ZNF202: variants seen among roughly 807,000 people sequenced by gnomAD.
The protein encoded by ZNF202 is zinc finger protein with KRAB and SCAN domains 10.
Under a neutral mutation model 54.5 loss-of-function variants are expected in ZNF202, and 22 were observed. The ratio of observed to expected loss-of-function variants is 0.40; its 90% CI spans 0.29 to 0.58. The LOEUF (loss-of-function observed/expected upper bound fraction) is 0.58, where lower values mean the gene tolerates loss of function less well. Ranked by LOEUF, ZNF202 falls within the 20% of genes least tolerant of loss-of-function variation. The pLI is 0.39. For missense variants in ZNF202, 644 were observed against 805.5 expected, an observed-to-expected ratio of 0.80 and a Z score of 2.43; for synonymous variants, 294 against 301.4, an observed-to-expected ratio of 0.98 and a Z score of 0.26.
chr11:123,738,323 T>A (rs1215829512), intron 3 of ZNF202, among the ~76,000 whole-genome samples: 1 of 152,172 alleles, frequency 6.6e-6, no homozygotes, highest in Non-Finnish European at 1.5e-5. Context: ...AAATACAGAT[T>A]TTTAAGAGGC....
In ZNF202 at chr11:123,726,779, C is replaced by T. The variant is rs778100556; in HGVS notation, c.1165G>A (p.Val389Ile). Residue 389 changes from valine (V) to isoleucine (I), a missense_variant, in exon 9 of 9, where the codon GTC becomes ATC. Around this residue, in one of 3 missense-constraint regions of ZNF202, gnomAD observed 536 missense variants for 635.3 expected, o/e 0.84. Transcript: ENST00000530393. The surrounding 1 kb of genome is among the most constrained non-coding windows in gnomAD (Gnocchi z 6.0). ...SFVNLRETTP[V>I]HPLLGRHHDC... The stretch of plus-strand genomic sequence containing the variant: ...TGATGCCTCCCTAACAGGGGGTGGA[C>T]GGGTGTAGTTTCCCGAAGGTTCACA... The T allele has an allele frequency of 4.0e-5, 64 of 1,614,042 alleles. No individual in the cohort carries two copies. Among genetic ancestry groups the T allele is most frequent in the Admixed American group, 2.0e-4 (12 of 60,010 alleles).
chr11:123,731,790 C>T (rs945465021), intron 3 of ZNF202, among the ~76,000 whole-genome samples: 12 of 152,174 alleles, frequency 7.9e-5, no homozygotes, highest in Admixed American at 7.2e-4. Flanking sequence ...AGTGATGGCA[C>T]CAGCTATTAT....
chr11:123,739,819 G>A (rs750605441), intron 3 of ZNF202, among the ~76,000 whole-genome samples: 2 of 152,234 alleles, frequency 1.3e-5, no homozygotes, highest in Non-Finnish European at 2.9e-5. Flanking sequence ...TGCAGCATCA[G>A]TACCTGAGCC....
At chr11:123,741,430 G>C (rs1293400634) in intron 1 of ZNF202, 119 bp downstream of exon 1, 1 of 152,330 alleles carries the variant, frequency 6.6e-6, no homozygotes, top group Non-Finnish European at 1.5e-5. Flanking sequence ...GATTTCCCCA[G>C]ACTCTGGGGG....
rs562793870 is a variant in ZNF202 at position 123,725,113 on chromosome 11, C to T, written c.*884G>A. The T allele has an allele frequency of 1.8e-4, 27 of 152,224 alleles. No individual in the cohort carries two copies. The highest frequency in any genetic ancestry group is 3.9e-4 in the East Asian group (2 of 5,174). The allele number at this position is 152,224 out of a possible 1,614,324, so 9.4% of individuals were successfully genotyped here. On this transcript the variant is annotated 3_prime_UTR_variant, in exon 9 of 9. Coordinates refer to ENST00000530393, the MANE Select transcript of ZNF202 (RefSeq NM_003455.4). Reference sequence around the variant, plus strand: ...GCTTGTGCATATGAGGGAATGTGAACGATTTCATTATGACCGAATTATGCT... The same window carrying T: ...GCTTGTGCATATGAGGGAATGTGAATGATTTCATTATGACCGAATTATGCT...
intron 5 of ZNF202, 50 bp downstream of exon 5, chr11:123,729,565 T>TC: frequency 2.0e-6 from 3 of 1,470,862 alleles, no homozygotes; most frequent in Non-Finnish European, 2.7e-6. Flanking sequence ...AATGTCCCCC[T>TC]CCTTGCCTGC....
rs555566850 is a variant in ZNF202 at position 123,730,583 on chromosome 11, T to C, written c.306A>G (p.Leu102=). 5.0e-6 allele frequency: 8 copies of C among 1,608,670 alleles called. No homozygotes were observed. The East Asian group carries it at 1.1e-4, about 22-fold the overall frequency. ...EQFLTVLPGE[L]QSWVRGQRPE... ...GCCGTTGGCCCCGCACCCAGCTCTGTAGTTCTCCAGGTAGGACGGTAAGAA... is the reference window on the plus strand; with the variant it reads ...GCCGTTGGCCCCGCACCCAGCTCTGCAGTTCTCCAGGTAGGACGGTAAGAA... Residue 102 remains leucine (L), a synonymous_variant, in exon 4 of 9, where the codon CTA becomes CTG. Transcript: ENST00000530393. The surrounding 1 kb of genome is among the most constrained non-coding windows in gnomAD (Gnocchi z 6.0).
chr11:123,725,868 A>C lies in ZNF202; in HGVS notation c.*129T>G. ...CTCGTGTTTAGTTGCAGGAAGAGGTAATGTCAGATCTGAGCAGGTCAGGGA... is the reference window on the plus strand; with the variant it reads ...CTCGTGTTTAGTTGCAGGAAGAGGTCATGTCAGATCTGAGCAGGTCAGGGA... On this transcript the variant is annotated 3_prime_UTR_variant, in exon 9 of 9. Coordinates refer to ENST00000530393, the MANE Select transcript of ZNF202 (RefSeq NM_003455.4). 1 of 1,067,614 alleles carries C rather than the reference A, an allele frequency of 9.4e-7. No homozygotes were observed. The highest frequency in any genetic ancestry group is 1.6e-5 in the African/African-American group (1 of 62,546). 66.1% of individuals were successfully genotyped at this position (1,067,614 alleles called of 1,614,324 possible). A position where few individuals can be genotyped will look rare whatever the true frequency, so the allele number is the denominator to read the frequency against.
At chr11:123,735,524 T>C (rs796536435) in intron 3 of ZNF202, among the ~76,000 whole-genome samples, 1 of 151,906 alleles carries the variant, frequency 6.6e-6, no homozygotes, top group East Asian at 1.9e-4. Flanking sequence ...GAAGGAGTCT[T>C]TGTGGGGTAA....
intron 4 of ZNF202, 131 bp from the exon 5 acceptor site, chr11:123,729,956 C>T: frequency 1.1e-6 from 1 of 929,942 alleles, no homozygotes; most frequent in Non-Finnish European, 1.6e-6. Flanking sequence ...GGGGAAACTC[C>T]AGTTTCAATG....
chr11:123,725,880 G>T lies in ZNF202; in HGVS notation c.*117C>A. The T allele has an allele frequency of 1.6e-6, 2 of 1,222,522 alleles. No homozygotes were observed. The highest frequency in any genetic ancestry group is 2.2e-6 in the Non-Finnish European group (2 of 897,880). 75.7% of individuals were successfully genotyped at this position (1,222,522 alleles called of 1,614,324 possible). ...TGCAGGAAGAGGTAATGTCAGATCTGAGCAGGTCAGGGAGACTCCCTCGAA... is the reference window on the plus strand; with the variant it reads ...TGCAGGAAGAGGTAATGTCAGATCTTAGCAGGTCAGGGAGACTCCCTCGAA... On this transcript the variant is annotated 3_prime_UTR_variant, in exon 9 of 9. Transcript: ENST00000530393.
In ZNF202 at chr11:123,725,782, T is replaced by G; in HGVS notation, c.*215A>C. On this transcript the variant is annotated 3_prime_UTR_variant, in exon 9 of 9. Transcript: ENST00000530393. ...AGTGAAGGAGAAGCCTCAATTCAGG[T>G]TGTACTTTGGATGAAACATCCCCTC... 1 of 562,862 alleles carries G rather than the reference T, an allele frequency of 1.8e-6. No individual in the cohort carries two copies. Among genetic ancestry groups the G allele is most frequent in the Non-Finnish European group, 3.1e-6 (1 of 325,370 alleles). 34.9% of individuals were successfully genotyped at this position (562,862 alleles called of 1,614,324 possible).
Position 123,729,114 on chromosome 11 carries a change from A to C in ZNF202, c.702+12T>G, listed in dbSNP as rs1347659739. 3.1e-6 allele frequency: 5 copies of C among 1,613,464 alleles called. No homozygotes were observed. The highest frequency in any genetic ancestry group is 3.4e-6 in the Non-Finnish European group (4 of 1,179,778). On this transcript the variant is annotated intron_variant, in intron 6 of 8. Coordinates refer to ENST00000530393, the MANE Select transcript of ZNF202 (RefSeq NM_003455.4). ...ACAAATTCTCTGTGGTACAGAGGTA[A>C]CTAGGGCACACCTGTGACAGAGCAG...
intron 3 of ZNF202, among the ~76,000 whole-genome samples, chr11:123,739,729 A>G (rs1302571423): frequency 6.6e-6 from 1 of 152,254 alleles, no homozygotes; most frequent in East Asian, 1.9e-4. Context: ...AAACAAAGGT[A>G]TTCTGAACCT....
intron 3 of ZNF202, among the ~76,000 whole-genome samples, chr11:123,735,067 C>T (rs1300749418): frequency 1.3e-5 from 2 of 151,954 alleles, no homozygotes; most frequent in Non-Finnish European, 2.9e-5. Flanking sequence ...TTAATAAGCG[C>T]AAAATCAGAC....
Position 123,726,534 on chromosome 11 carries a change from C to T in ZNF202, c.1410G>A (p.Gln470=), listed in dbSNP as rs1861148578. The T allele has an allele frequency of 6.2e-7, 1 of 1,614,228 alleles. No individual in the cohort carries two copies. Among genetic ancestry groups the T allele is most frequent in the East Asian group, 2.2e-5 (1 of 44,880 alleles). Reference sequence around the variant, plus strand: ...TCTCCACTGATGGAGTTCTCTCAGCCTGTGTCACAGGGGAGGTCTCTTCCA... The same window carrying T: ...TCTCCACTGATGGAGTTCTCTCAGCTTGTGTCACAGGGGAGGTCTCTTCCA... ...KNLEETSPVT[Q]AERTPSVEKP... Residue 470 remains glutamine (Q), a synonymous_variant, in exon 9 of 9, where the codon CAG becomes CAA. Coordinates refer to ENST00000530393, the MANE Select transcript of ZNF202 (RefSeq NM_003455.4). This position sits in a 1 kb window ranked among gnomAD's most constrained non-coding sequence, Gnocchi z 6.0.
At chr11:123,738,122 C>T (rs575222048) in intron 3 of ZNF202, among the ~76,000 whole-genome samples, 6 of 152,242 alleles carry the variant, frequency 3.9e-5, no homozygotes, top group Admixed American at 3.3e-4. Flanking sequence ...GGCCATCCTC[C>T]CACCCCAGCC....
At chr11:123,737,939 G>A (rs1446428398) in intron 3 of ZNF202, among the ~76,000 whole-genome samples, 1 of 152,160 alleles carries the variant, frequency 6.6e-6, no homozygotes, top group Non-Finnish European at 1.5e-5. Flanking sequence ...CATCTCTATT[G>A]AATATTTGGG....
chr11:123,727,686 C>A lies in ZNF202; in HGVS notation c.833-91G>T, dbSNP rs989139491. On this transcript the variant is annotated intron_variant, in intron 7 of 8. Coordinates refer to ENST00000530393, the MANE Select transcript of ZNF202 (RefSeq NM_003455.4). ...CTTTTCTATTTGGTAGGTTGTGGGGCAAATACATAGCTAGCTCAGGTGATG... is the reference window on the plus strand; with the variant it reads ...CTTTTCTATTTGGTAGGTTGTGGGGAAAATACATAGCTAGCTCAGGTGATG... 4.6e-6 allele frequency: 7 copies of A among 1,516,448 alleles called. No individual in the cohort carries two copies. The African/African-American group carries it at 9.7e-5, about 21-fold the overall frequency. The allele number at this position is 1,516,448 out of a possible 1,614,324, so 93.9% of individuals were successfully genotyped here.
Sources: gnomAD v4.1 joint callset for allele counts (sites outside exome capture counted in the v4.1 genomes callset) on GRCh38, gnomAD v4.1.1 for gene constraint, gnomAD v4.1.1 regional missense constraint, Gnocchi (gnomAD v3.1) non-coding constraint, MANE v1.5 for transcripts, NCBI Gene and HGNC (gene_info 2026-07-23, HGNC 2026-07-21) for gene names.